Variants in OPLAH observed in about 807,000 individuals in gnomAD.
OPLAH encodes the protein 5-oxoprolinase.
In OPLAH, 103 loss-of-function variants were observed where a neutral mutation model predicts 122.8. The ratio of observed to expected loss-of-function variants is 0.84; its 90% CI spans 0.71 to 0.99. OPLAH has a LOEUF of 0.99. OPLAH is among the 50% of genes least tolerant of loss of function. The pLI, the probability that OPLAH is intolerant of heterozygous loss-of-function variation, is 0.00. For synonymous variants in OPLAH, 875 were observed against 796.0 expected, an observed-to-expected ratio of 1.10 and a Z score of -1.67; for missense variants, 1,902 against 1,836.5, an observed-to-expected ratio of 1.04 and a Z score of -0.65.
chr8:144,056,111 G>A lies in OPLAH; in HGVS notation c.2096+36C>T, dbSNP rs782607047. Reference sequence around the variant, plus strand: ...GCACCAGGGGCCCCGCAGTGGACCCGTCCACATCCTCCACCCTGGCCGGAC... The same window carrying A: ...GCACCAGGGGCCCCGCAGTGGACCCATCCACATCCTCCACCCTGGCCGGAC... On this transcript the variant is annotated intron_variant, in intron 15 of 26. Coordinates refer to ENST00000618853, the MANE Select transcript of OPLAH (RefSeq NM_017570.5). The A allele has an allele frequency of 1.6e-5, 25 of 1,582,278 alleles. No individual in the cohort carries two copies. The Admixed American group carries it at 1.9e-4, about 12-fold the overall frequency.
In OPLAH at chr8:144,054,870, A is replaced by G; in HGVS notation, c.2453T>C (p.Leu818Pro). The G allele has an allele frequency of 1.9e-6, 3 of 1,611,044 alleles. No individual in the cohort carries two copies. The highest frequency in any genetic ancestry group is 1.7e-5 in the Admixed American group (1 of 59,886). Residue 818 changes from leucine to proline, a missense_variant, in exon 18 of 27, where the codon CTG (leucine) becomes CCG (proline). By Grantham distance (98) the Leu-to-Pro change is moderately conservative. Coordinates refer to ENST00000618853, the MANE Select transcript of OPLAH (RefSeq NM_017570.5). ...GADLHPGDVLLSNHPSAGGSH... is the reference protein window; with the variant it reads ...GADLHPGDVLPSNHPSAGGSH... ...GCCCCCGGCACTGGGATGGTTGCTC[A>G]GTAGCACGTCGCCAGGGTGGAGATC...
At position 144,057,652 on chromosome 8, in the gene OPLAH, G is replaced by T; in HGVS notation, c.1218C>A (p.Phe406Leu). 1 of 1,606,418 alleles carries T rather than the reference G, an allele frequency of 6.2e-7. No homozygotes were observed. The highest frequency in any genetic ancestry group is 2.2e-5 in the East Asian group (1 of 44,746). ...LVLGRLLPAS[F>L]PCIFGPGENQ... is the part of the protein sequence containing the mutation. The stretch of plus-strand genomic sequence containing the variant: ...TCTCTCCCGGCCCAAAAATGCAGGG[G>T]AAGGAGGCAGGCAGCAGGCGACCCA... The change falls in exon 10 of 27, where the codon TTC becomes TTA. Residue 406 changes from phenylalanine to leucine, a missense_variant. Transcript: ENST00000618853.
At position 144,053,371 on chromosome 8, in the gene OPLAH, C is replaced by T. The variant is rs782219441; in HGVS notation, c.2709G>A (p.Ala903=). 1.1e-5 allele frequency: 18 copies of T among 1,611,496 alleles called. No homozygotes were observed. Among genetic ancestry groups the T allele is most frequent in the Middle Eastern group, 1.7e-4 (1 of 6,020 alleles). The part of the protein sequence containing the change: ...QEEAVTEALR[A]PGKVPNCSGT... ...CGCTGCAGTTGGGGACCTTGCCTGG[C>T]GCCCGCAGGGCCTCCGTCACCGCTG... The change falls in exon 20 of 27, where the codon GCG becomes GCA. Residue 903 remains alanine (A), a synonymous_variant. Coordinates refer to ENST00000618853, the MANE Select transcript of OPLAH (RefSeq NM_017570.5).
chr8:144,062,936 G>A (rs562528960), upstream of OPLAH, among the ~76,000 whole-genome samples: 6 of 150,774 alleles, frequency 4.0e-5, no homozygotes, highest in South Asian at 2.1e-4. Flanking sequence ...ACTCCACTGC[G>A]CGTCTCGGGG....
At chr8:144,061,216 G>A (rs1554760826), upstream of OPLAH, among the ~76,000 whole-genome samples, 1 of 152,190 alleles carries the variant, frequency 6.6e-6, no homozygotes, top group African/African-American at 2.4e-5. Context: ...CTAAAAAGAG[G>A]CCGAAACCTA....
chr8:144,056,905 A>T, intron 12 of OPLAH, 43 bp downstream of exon 12: 1 of 1,533,794 alleles, frequency 6.5e-7, no homozygotes, highest in Non-Finnish European at 8.8e-7. Flanking sequence ...GGGCGTGGTG[A>T]GGACAACGTA....
upstream of OPLAH, among the ~76,000 whole-genome samples, chr8:144,060,926 C>T (rs1554760776): frequency 6.6e-6 from 1 of 152,234 alleles, no homozygotes; most frequent in South Asian, 2.1e-4. Flanking sequence ...AGCGTGGGCG[C>T]CCCAGGATCC....
Position 144,053,018 on chromosome 8 carries a change from G to A in OPLAH, c.2983C>T (p.Pro995Ser). 6.2e-7 allele frequency: 1 copy of A among 1,603,574 alleles called. No individual in the cohort carries two copies. The highest frequency in any genetic ancestry group is 1.1e-5 in the South Asian group (1 of 89,394). The change falls in exon 21 of 27, where the codon CCC (proline) becomes TCC (serine). Residue 995 changes from proline to serine, a missense_variant. Around this residue, in one of 3 missense-constraint regions of OPLAH, gnomAD observed 1,726 missense variants for 1,642.1 expected, o/e 1.05. Coordinates refer to ENST00000618853, the MANE Select transcript of OPLAH (RefSeq NM_017570.5). ...CTGATCTGCACACGGAGGCGGATGG[G>A]GGAACCGTCGTCCATGTGGTCTTCC... ...SSEDHMDDGS[P>S]IRLRVQISLS...
chr8:144,056,892 C>G, intron 12 of OPLAH, 56 bp downstream of exon 12: 1 of 1,524,910 alleles, frequency 6.6e-7, no homozygotes, highest in Non-Finnish European at 8.8e-7. Flanking sequence ...GAACACCCAC[C>G]AAGGGCGTGG....
Position 144,058,558 on chromosome 8 carries a change from G to T in OPLAH, c.721C>A (p.Leu241Ile), listed in dbSNP as rs62530312. The change falls in exon 6 of 27, where the codon CTC becomes ATC. Residue 241 changes from leucine to isoleucine, a missense_variant. This residue lies in a region of OPLAH where 1,726 missense variants were observed against 1,642.1 expected (regional missense o/e 1.05). Coordinates refer to ENST00000618853, the MANE Select transcript of OPLAH (RefSeq NM_017570.5). ...RGHTACADAY[L>I]TPAIQRYVQG... The stretch of plus-strand genomic sequence containing the variant: ...ACGTAGCGCTGGATGGCGGGCGTGA[G>T]GTAGGCGTCGGCACAGGCCGTGTGC... 1.9e-6 allele frequency: 3 copies of T among 1,600,850 alleles called. No individual in the cohort carries two copies. Among genetic ancestry groups the T allele is most frequent in the Non-Finnish European group, 2.5e-6 (3 of 1,178,746 alleles).
chr8:144,051,902 G>A lies in OPLAH; in HGVS notation c.3622+14C>T, dbSNP rs1015559428. The A allele has an allele frequency of 6.5e-7, 1 of 1,530,474 alleles. No homozygotes were observed. Among genetic ancestry groups the A allele is most frequent in the Non-Finnish European group, 8.7e-7 (1 of 1,144,690 alleles). The allele number at this position is 1,530,474 out of a possible 1,614,324, so 94.8% of individuals were successfully genotyped here. On this transcript the variant is annotated intron_variant, in intron 25 of 26. Transcript: ENST00000618853. Reference sequence around the variant, plus strand: ...GGGGGCGGGGAGGGCCGCGAGGGCTGGGGAACCGCGCACCGTGGAGCCCGT... The same window carrying A: ...GGGGGCGGGGAGGGCCGCGAGGGCTAGGGAACCGCGCACCGTGGAGCCCGT...
In OPLAH at chr8:144,058,795, C is replaced by T. The variant is rs548933867; in HGVS notation, c.565G>A (p.Val189Met). The change falls in exon 5 of 27, where the codon GTG (valine) becomes ATG (methionine). Residue 189 changes from valine to methionine, a missense_variant. Transcript: ENST00000618853. The stretch of plus-strand genomic sequence containing the variant: ...CACGTGTACGAGTGCATGAGCACCA[C>T]AGCCAGGCTGCGGATGCCTCGAGAT... Reference protein sequence around the residue: ...LLSRGIRSLAVVLMHSYTWAQ... With the variant: ...LLSRGIRSLAMVLMHSYTWAQ... 4 of 1,604,300 alleles carry T rather than the reference C, an allele frequency of 2.5e-6. No homozygotes were observed. The East Asian group carries it at 9.0e-5, about 36-fold the overall frequency.
chr8:144,055,096 C>A lies in OPLAH; in HGVS notation c.2342G>T (p.Gly781Val). ...GATGTGGGGGGCATTGGACACCAGCCCCCCATCGGGCCCAAAGAGGGCACA... is the reference window on the plus strand; with the variant it reads ...GATGTGGGGGGCATTGGACACCAGCACCCCATCGGGCCCAAAGAGGGCACA... ...FSCALFGPDGGLVSNAPHIPV... is the reference protein window; with the variant it reads ...FSCALFGPDGVLVSNAPHIPV... Residue 781 changes from glycine to valine, a missense_variant, in exon 17 of 27, where the codon GGG (glycine) becomes GTG (valine). By Grantham distance (109) the Gly-to-Val change is moderately radical. Transcript: ENST00000618853. The surrounding 1 kb of genome is among the most constrained non-coding windows in gnomAD (Gnocchi z 6.5). The A allele has an allele frequency of 6.3e-7, 1 of 1,578,654 alleles. No individual in the cohort carries two copies. The highest frequency in any genetic ancestry group is 8.6e-7 in the Non-Finnish European group (1 of 1,163,184).
At chr8:144,054,122 G>A (rs1835452951) in intron 19 of OPLAH, among the ~76,000 whole-genome samples, 1 of 151,724 alleles carries the variant, frequency 6.6e-6, no homozygotes, top group African/African-American at 2.4e-5. Flanking sequence ...GCTCAGCGCA[G>A]GCCCAGCTGA....
chr8:144,057,999 G>A lies in OPLAH; in HGVS notation c.1088+11C>T, dbSNP rs782216628. 6.2e-7 allele frequency: 1 copy of A among 1,612,298 alleles called. No individual in the cohort carries two copies. Among genetic ancestry groups the A allele is most frequent in the Non-Finnish European group, 8.5e-7 (1 of 1,179,672 alleles). On this transcript the variant is annotated intron_variant, in intron 8 of 26. Transcript: ENST00000618853. ...GGCTGGGGTCCCAGCCTGGGAAGCA[G>A]GAGAGCTGACCTGAAGAAGAGGCGG...
rs782666845 is a variant in OPLAH, at chr8:144,058,430, T to C, written c.784-26A>G. ...CTGCGAGCGGGCAGCAGGCGGGCCA[T>C]GAGGGGCAGGCCAAGGCCCAGGCCC... is the stretch of plus-strand genomic sequence containing the variant. On this transcript the variant is annotated intron_variant, in intron 6 of 26. Coordinates refer to ENST00000618853, the MANE Select transcript of OPLAH (RefSeq NM_017570.5). The C allele has an allele frequency of 7.6e-6, 12 of 1,585,670 alleles. No homozygotes were observed. The South Asian group carries it at 1.3e-4, about 18-fold the overall frequency.
downstream of OPLAH, chr8:144,050,337 G>A: frequency 1.0e-6 from 1 of 960,536 alleles, no homozygotes; most frequent in Non-Finnish European, 1.2e-6. Flanking sequence ...AGCTGACGCC[G>A]CTGCTGGACT....
rs1554758719 is a variant in OPLAH, at chr8:144,055,259, C to G, written c.2249-70G>C. On this transcript the variant is annotated intron_variant, in intron 16 of 26. Coordinates refer to ENST00000618853, the MANE Select transcript of OPLAH (RefSeq NM_017570.5). This position sits in a 1 kb window ranked among gnomAD's most constrained non-coding sequence, Gnocchi z 6.5. ...AGCCTGGCCCCAGGAAAGGGAGGAA[C>G]AGGACCCACCAGGACTCAAACCCAG... 11 of 1,418,334 alleles carry G rather than the reference C, an allele frequency of 7.8e-6. No individual in the cohort carries two copies. The highest frequency in any genetic ancestry group is 1.0e-5 in the Non-Finnish European group (11 of 1,075,056). The allele number at this position is 1,418,334 out of a possible 1,614,324, so 87.9% of individuals were successfully genotyped here.
In OPLAH at chr8:144,057,337, G is replaced by A. The variant is rs1554759524; in HGVS notation, c.1423-17C>T. On this transcript the variant is annotated splice_polypyrimidine_tract_variant and intron_variant, in intron 10 of 26. Coordinates refer to ENST00000618853, the MANE Select transcript of OPLAH (RefSeq NM_017570.5). ...GCCTCTTGCCTAGGGAGACAGAAGG[G>A]GTCAGTGGGCTCTCCTACTCTACCC... is the stretch of plus-strand genomic sequence containing the variant. 1 of 1,605,148 alleles carries A rather than the reference G, an allele frequency of 6.2e-7. No individual in the cohort carries two copies. The highest frequency in any genetic ancestry group is 1.3e-5 in the African/African-American group (1 of 74,924).
Sources: gnomAD v4.1 joint callset for allele counts (sites outside exome capture counted in the v4.1 genomes callset) on GRCh38, gnomAD v4.1.1 for gene constraint, gnomAD v4.1.1 regional missense constraint, Gnocchi (gnomAD v3.1) non-coding constraint, MANE v1.5 for transcripts, NCBI Gene and HGNC (gene_info 2026-07-23, HGNC 2026-07-21) for gene names.